Variants in ABCB4 observed in about 807,000 individuals in gnomAD.
ABCB4 encodes the protein phosphatidylcholine translocator ABCB4.
A neutral mutation model predicts 145.7 loss-of-function variants in ABCB4; 76 were observed. That is an observed-to-expected ratio of 0.52 (90% confidence interval 0.43 to 0.63). ABCB4 has a LOEUF of 0.63. ABCB4 is among the 30% of genes least tolerant of loss of function. The pLI is 0.00. For synonymous variants in ABCB4, 517 were observed against 566.8 expected (o/e 0.91, Z 1.25); for missense variants, 1,234 against 1,553.1 (o/e 0.79, Z 3.45).
chr7:87,464,323 G>C (rs1327331291), intron 3 of ABCB4, among the ~76,000 whole-genome samples: 1 of 152,192 alleles, frequency 6.6e-6, no homozygotes, highest in Non-Finnish European at 1.5e-5. Flanking sequence ...AGAACCGAAA[G>C]AGACAAAGGG....
At chr7:87,445,038 G>T in intron 9 of ABCB4, 63 bp from the exon 10 acceptor site, 1 of 1,085,934 alleles carries the variant, frequency 9.2e-7, no homozygotes, top group Non-Finnish European at 1.4e-6. Flanking sequence ...TATCTAAAAT[G>T]TGATGTATAT....
Position 87,422,164 on chromosome 7 carries a change from A to G in ABCB4, c.2273T>C (p.Phe758Ser), listed in dbSNP as rs1809487748. 1 of 1,613,568 alleles carries G rather than the reference A, an allele frequency of 6.2e-7. No individual in the cohort carries two copies. Among genetic ancestry groups the G allele is most frequent in the Non-Finnish European group, 8.5e-7 (1 of 1,179,644 alleles). ...AAAAGAAATAATTCCCAGAAATAAG[A>G]AAATCAAAGAGAATATGTTGCACTT... ...QQKCNIFSLI[F>S]LFLGIISFFT... The change falls in exon 18 of 28, where the codon TTC (phenylalanine) becomes TCC (serine). Residue 758 changes from phenylalanine to serine, a missense_variant. Around this residue, in one of 7 missense-constraint regions of ABCB4, gnomAD observed 321 missense variants for 332.6 expected, o/e 0.97. Transcript: ENST00000649586.
chr7:87,413,344 T>C (rs1475107337), intron 22 of ABCB4, among the ~76,000 whole-genome samples: 2 of 152,256 alleles, frequency 1.3e-5, no homozygotes, highest in Non-Finnish European at 2.9e-5. Flanking sequence ...TTATTTATGT[T>C]GCCTGCACTG....
At chr7:87,438,877 G>A (rs1363072351) in intron 14 of ABCB4, among the ~76,000 whole-genome samples, 1 of 152,164 alleles carries the variant, frequency 6.6e-6, no homozygotes, top group African/African-American at 2.4e-5. Context: ...AGAAAATAAG[G>A]TTCGTGCAGC....
chr7:87,382,834 C>T, the ABCB4 span, among the ~76,000 whole-genome samples: 3 of 152,236 alleles, frequency 2.0e-5, no homozygotes, highest in African/African-American at 4.8e-5. Context: ...TTTCTTGCAA[C>T]GTCAGTTTTC....
At chr7:87,443,016 C>G (rs1811088514) in intron 12 of ABCB4, among the ~76,000 whole-genome samples, 1 of 152,128 alleles carries the variant, frequency 6.6e-6, no homozygotes, top group South Asian at 2.1e-4. Flanking sequence ...TGACCAAACT[C>G]TAACTCATTG....
At chr7:87,387,750 G>A in the ABCB4 span, among the ~76,000 whole-genome samples, 7 of 152,150 alleles carry the variant, frequency 4.6e-5, no homozygotes, top group East Asian at 7.7e-4. Context: ...TCAGGAGTTC[G>A]AGACTAGCCT....
intron 21 of ABCB4, among the ~76,000 whole-genome samples, chr7:87,414,039 C>A (rs1385888557): frequency 6.6e-6 from 1 of 152,204 alleles, no homozygotes; most frequent in Non-Finnish European, 1.5e-5. Flanking sequence ...TGGCCTTAGT[C>A]ACAACCCCTT....
chr7:87,428,153 A>G (rs995888535), intron 15 of ABCB4, among the ~76,000 whole-genome samples: 6 of 152,152 alleles, frequency 3.9e-5, no homozygotes, highest in African/African-American at 9.7e-5. Flanking sequence ...GGTCCATCTC[A>G]ATGGACAGTT....
At chr7:87,382,386 C>A in the ABCB4 span, 2 of 1,602,044 alleles carry the variant, frequency 1.2e-6, no homozygotes, top group East Asian at 2.2e-5. Context: ...TGATTTTTCA[C>A]CGTTCTCATT....
At chr7:87,370,193 T>TC in the ABCB4 span, among the ~76,000 whole-genome samples, 1 of 151,772 alleles carries the variant, frequency 6.6e-6, no homozygotes, top group African/African-American at 2.4e-5. Context: ...AAAAAATAAT[T>TC]TTTTTTTTGA....
rs371679608 is a variant in ABCB4 at position 87,447,241 on chromosome 7, A to C, written c.834-36T>G. The stretch of plus-strand genomic sequence containing the variant: ...AATGAGAGGGAAAACATTATAATTA[A>C]GAATAACAATCCATAGTCCGAGTCA... On this transcript the variant is annotated intron_variant, in intron 8 of 27. Coordinates refer to ENST00000649586, the MANE Select transcript of ABCB4 (RefSeq NM_000443.4). 1.1e-5 allele frequency: 18 copies of C among 1,594,946 alleles called. No homozygotes were observed. In the African/African-American group the frequency reaches 1.7e-4, roughly 15 times the overall value.
upstream of ABCB4, among the ~76,000 whole-genome samples, chr7:87,475,918 C>T (rs1200401164): frequency 4.6e-5 from 7 of 152,198 alleles, no homozygotes; most frequent in South Asian, 1.4e-3. Context: ...ACCCTGGCGA[C>T]CCGCCAGAAC....
intron 18 of ABCB4, 82 bp downstream of exon 18, chr7:87,422,039 A>G: frequency 9.8e-7 from 1 of 1,018,298 alleles, no homozygotes. Context: ...CACTGTAAGA[A>G]TTTGGAAGCT....
chr7:87,445,040 G>T, intron 9 of ABCB4, 65 bp from the exon 10 acceptor site: 2 of 1,053,396 alleles, frequency 1.9e-6, no homozygotes, highest in Non-Finnish European at 2.9e-6. Context: ...TCTAAAATGT[G>T]ATGTATATGT....
intron 4 of ABCB4, among the ~76,000 whole-genome samples, chr7:87,454,957 A>C (rs145014265): frequency 3.7e-3 from 558 of 152,286 alleles, no homozygotes; most frequent in African/African-American, 0.013. Flanking sequence ...GGAGGGAATA[A>C]GAAATATTTA....
the ABCB4 span, among the ~76,000 whole-genome samples, chr7:87,380,928 T>C: frequency 2.0e-5 from 3 of 152,232 alleles, no homozygotes; most frequent in African/African-American, 7.2e-5. Flanking sequence ...TGTGCTGTTG[T>C]TGGCAGATAA....
chr7:87,412,006 A>G lies in ABCB4; in HGVS notation c.2811T>C (p.Tyr937=), dbSNP rs1461886025. 8 of 1,613,912 alleles carry G rather than the reference A, an allele frequency of 5.0e-6. No homozygotes were observed. In the East Asian group the frequency reaches 1.6e-4, roughly 31 times the overall value. ...CTTGTGAGATACTAAAAGTAATTCC[A>G]TAGATGTGTGCCTTCTGCACAGAAT... is the stretch of plus-strand genomic sequence containing the variant. ...YRNSVQKAHI[Y]GITFSISQAF... Residue 937 remains tyrosine (Y), a synonymous_variant, in exon 23 of 28, where the codon TAT becomes TAC. Coordinates refer to ENST00000649586, the MANE Select transcript of ABCB4 (RefSeq NM_000443.4).
At chr7:87,372,659 G>A in the ABCB4 span, among the ~76,000 whole-genome samples, 1 of 152,046 alleles carries the variant, frequency 6.6e-6, no homozygotes, top group Non-Finnish European at 1.5e-5. Context: ...CTCTATAAAT[G>A]TGCCTATTTT....
Sources: allele counts gnomAD v4.1 joint callset (sites outside exome capture counted in the v4.1 genomes callset), GRCh38; gene constraint gnomAD v4.1.1; regional missense constraint gnomAD v4.1.1; transcripts MANE v1.5; gene names NCBI Gene and HGNC (gene_info 2026-07-23, HGNC 2026-07-21).